The following MACROD2 variants were observed in gnomAD, a reference collection of about 807,000 sequenced individuals.
The protein encoded by MACROD2 is mono-ADP ribosylhydrolase 2.
A neutral mutation model predicts 70.4 loss-of-function variants in MACROD2; 36 were observed. The observed-to-expected ratio is 0.51, with a 90% CI of 0.39 to 0.68. The LOEUF (loss-of-function observed/expected upper bound fraction) is 0.68. Ranked by LOEUF, MACROD2 falls within the 30% of genes least tolerant of loss-of-function variation. The probability of loss-of-function intolerance (pLI) is 0.00; values close to 1 mark genes in which losing one functional copy is unlikely to be tolerated. For missense variants in MACROD2, 496 were observed against 538.4 expected (o/e 0.92, Z 0.78); for synonymous variants, 172 against 178.8 (o/e 0.96, Z 0.30).
chr20:15,108,480 G>GTGGC (rs1409051115), intron 5 of MACROD2, among the ~76,000 whole-genome samples: 5 of 152,044 alleles, frequency 3.3e-5, no homozygotes. Context: ...AACTCATGGA[G>GTGGC]TGGCCTTATT....
At chr20:15,467,927 A>G (rs754812149) in intron 7 of MACROD2, among the ~76,000 whole-genome samples, 1 of 152,184 alleles carries the variant, frequency 6.6e-6, no homozygotes, top group Admixed American at 6.5e-5. Flanking sequence ...ATTGTATGCT[A>G]CTATTCAGTA....
In MACROD2 at chr20:14,903,337, G is replaced by T. The variant is rs539873030; in HGVS notation, c.418+218378G>T. ...ATTATAGGCGTGAGCCACTGCACCC[G>T]GCCCAGGTTTCTTACATGACTTATT... On this transcript the variant is annotated intron_variant, in intron 5 of 17. Coordinates refer to ENST00000684519, the MANE Select transcript of MACROD2 (RefSeq NM_001351661.2). Among the ~76,000 whole-genome samples the T allele has an allele frequency of 2.6e-5, 4 of 152,014 alleles. No individual in the cohort carries two copies. In the East Asian group the frequency reaches 7.7e-4, roughly 29 times the overall value.
At chr20:15,846,911 TTATATATATATATATATATA>T (rs33993940) in intron 8 of MACROD2, among the ~76,000 whole-genome samples, 12 of 138,182 alleles carry the variant, frequency 8.7e-5, no homozygotes, top group East Asian at 2.4e-4. Flanking sequence ...AAAAAAAAAA[TTATATATATATATATATATA>T]TATATATATA....
At chr20:15,797,906 A>T (rs2063689903) in intron 8 of MACROD2, among the ~76,000 whole-genome samples, 1 of 152,178 alleles carries the variant, frequency 6.6e-6, no homozygotes, top group African/African-American at 2.4e-5. Context: ...GTTATCTGGG[A>T]TCACACTTTG....
At chr20:15,984,636 C>T (rs966914568) in intron 13 of MACROD2, among the ~76,000 whole-genome samples, 3 of 150,564 alleles carry the variant, frequency 2.0e-5, no homozygotes, top group Non-Finnish European at 1.5e-5. Context: ...TTGCCTCCCC[C>T]CCCCGCCCTT....
intron 8 of MACROD2, among the ~76,000 whole-genome samples, chr20:15,723,654 G>C (rs1015590314): frequency 6.6e-6 from 1 of 152,006 alleles, no homozygotes; most frequent in Admixed American, 6.6e-5. Context: ...ATATTTCTTT[G>C]TTTGCATGTA....
intron 2 of MACROD2, among the ~76,000 whole-genome samples, chr20:14,041,334 A>G (rs539397599): frequency 6.6e-6 from 1 of 152,302 alleles, no homozygotes; most frequent in East Asian, 1.9e-4. Context: ...GATATGTGAT[A>G]GTAAATGTTT....
chr20:15,745,334 A>G (rs1278478572), intron 8 of MACROD2, among the ~76,000 whole-genome samples: 1 of 152,154 alleles, frequency 6.6e-6, no homozygotes, highest in Admixed American at 6.6e-5. Context: ...GTGGTCCTGT[A>G]TCTTACTGCA....
At chr20:14,847,142 T>A (rs1446964789) in intron 5 of MACROD2, among the ~76,000 whole-genome samples, 2 of 152,052 alleles carry the variant, frequency 1.3e-5, no homozygotes, top group Non-Finnish European at 2.9e-5. Context: ...AAAAAAAGAG[T>A]AAAACTACTT....
chr20:14,045,464 T>C (rs2259700), intron 2 of MACROD2, among the ~76,000 whole-genome samples: 142,935 of 152,344 alleles, frequency 0.94, 67,160 homozygotes, highest in East Asian at 1. Flanking sequence ...TTATACTACC[T>C]GCATAGTTTA....
chr20:15,199,434 AC>A (rs906240190), intron 5 of MACROD2, among the ~76,000 whole-genome samples: 9 of 152,132 alleles, frequency 5.9e-5, no homozygotes, highest in African/African-American at 2.2e-4. Context: ...GACTTATTTA[AC>A]CTCTTTGAAT....
chr20:15,955,797 A>G (rs1034517377), intron 12 of MACROD2, among the ~76,000 whole-genome samples: 3 of 152,198 alleles, frequency 2.0e-5, no homozygotes, highest in African/African-American at 7.2e-5. Flanking sequence ...TGCAAAATGT[A>G]GTCAACATAA....
chr20:15,347,169 AT>A (rs2078175931), intron 6 of MACROD2, among the ~76,000 whole-genome samples: 1 of 152,164 alleles, frequency 6.6e-6, no homozygotes, highest in African/African-American at 2.4e-5. Flanking sequence ...TTTCTCAAAA[AT>A]CTTTAGACTT....
chr20:14,468,108 T>C (rs905589707), intron 3 of MACROD2, among the ~76,000 whole-genome samples: 3 of 152,066 alleles, frequency 2.0e-5, no homozygotes, highest in Non-Finnish European at 4.4e-5. Flanking sequence ...TGGAGAGTTC[T>C]GTAGATGCCT....
chr20:14,088,359 T>C (rs1193691147), intron 3 of MACROD2, among the ~76,000 whole-genome samples: 1 of 149,228 alleles, frequency 6.7e-6, no homozygotes, highest in African/African-American at 2.5e-5. Context: ...TTAAAGCTCA[T>C]ATGTTTATAG....
intron 5 of MACROD2, among the ~76,000 whole-genome samples, chr20:15,017,842 G>A (rs2075133552): frequency 6.6e-6 from 1 of 152,154 alleles, no homozygotes; most frequent in Non-Finnish European, 1.5e-5. Context: ...GGAGTAGCTG[G>A]GACACAGGGC....
At chr20:15,973,200 C>A (rs1004061889) in intron 13 of MACROD2, among the ~76,000 whole-genome samples, 8 of 151,776 alleles carry the variant, frequency 5.3e-5, no homozygotes, top group African/African-American at 1.9e-4. Flanking sequence ...TATATTTTGT[C>A]TGTGTTTCTA....
At chr20:14,616,644 A>G (rs553319763) in intron 4 of MACROD2, among the ~76,000 whole-genome samples, 2 of 152,098 alleles carry the variant, frequency 1.3e-5, no homozygotes, top group African/African-American at 2.4e-5. Flanking sequence ...CTGGAATGAT[A>G]TAAATACTGC....
chr20:14,650,810 G>A (rs951190063), intron 4 of MACROD2, among the ~76,000 whole-genome samples: 1 of 152,154 alleles, frequency 6.6e-6, no homozygotes, highest in Non-Finnish European at 1.5e-5. Flanking sequence ...TAATATAGTT[G>A]CCAGAAGCAG....
Sources: gnomAD v4.1 joint callset for allele counts (sites outside exome capture counted in the v4.1 genomes callset) on GRCh38, gnomAD v4.1.1 for gene constraint, MANE v1.5 for transcripts, NCBI Gene and HGNC (gene_info 2026-07-23, HGNC 2026-07-21) for gene names.